Variants in IQSEC1 observed in about 807,000 individuals in gnomAD.
The protein encoded by IQSEC1 is IQ motif and Sec7 domain ArfGEF 1.
In IQSEC1, 31 loss-of-function variants were observed where a neutral mutation model predicts 91.0. The ratio of observed to expected loss-of-function variants is 0.34; its 90% CI spans 0.26 to 0.46. The LOEUF is 0.46. Ranked by LOEUF, IQSEC1 falls within the 20% of genes least tolerant of loss-of-function variation. IQSEC1 has a pLI of 1.00. For missense variants in IQSEC1, 1,388 were observed against 1,575.6 expected, an observed-to-expected ratio of 0.88 and a Z score of 2.02; for synonymous variants, 699 against 662.6, an observed-to-expected ratio of 1.05 and a Z score of -0.84.
At chr3:13,029,174 A>G (rs1703745555) in intron 1 of IQSEC1, among the ~76,000 whole-genome samples, 1 of 152,220 alleles carries the variant, frequency 6.6e-6, no homozygotes, top group Non-Finnish European at 1.5e-5. Context: ...TTCCAGGGTG[A>G]CACAGCTCTC....
intron 1 of IQSEC1, among the ~76,000 whole-genome samples, chr3:13,243,734 T>TA (rs879807882): frequency 3.4e-3 from 525 of 152,208 alleles, no homozygotes; most frequent in Non-Finnish European, 6.0e-3. Flanking sequence ...CATGCCTCTC[T>TA]GGTCTCACAT....
At position 12,969,809 on chromosome 3, in the gene IQSEC1, G is replaced by A. The variant is rs970840139; in HGVS notation, c.24-27944C>T. Among the ~76,000 whole-genome samples, 4 of 152,328 alleles carry A rather than the reference G, an allele frequency of 2.6e-5. No homozygotes were observed. The East Asian group carries it at 5.8e-4, about 22-fold the overall frequency. On this transcript the variant is annotated intron_variant, in intron 1 of 13. Transcript: ENST00000613206. ...GGGATTTAGAAGGGGATTGAATTTC[G>A]CTGTTAGCATTTGGAATACCAGATG... is the stretch of plus-strand genomic sequence containing the variant.
At chr3:12,966,547 C>T (rs532685718) in intron 1 of IQSEC1, among the ~76,000 whole-genome samples, 2 of 152,270 alleles carry the variant, frequency 1.3e-5, no homozygotes, top group Admixed American at 1.3e-4. Context: ...CACACACTCC[C>T]TTTCTCCCTT....
In IQSEC1 at chr3:13,210,852, T is replaced by A. The variant is rs1037931227; in HGVS notation, c.273-46719A>T. Among the ~76,000 whole-genome samples, 9 of 152,018 alleles carry A rather than the reference T, an allele frequency of 5.9e-5. 1 individual carries two copies. Among genetic ancestry groups the A allele is most frequent in the African/African-American group, 7.2e-5 (3 of 41,460 alleles). ...CCTGAGGCCTTGTAAACAAACGCCATCCACATGGAGGGCACGGCCCACTGT... is the reference window on the plus strand; with the variant it reads ...CCTGAGGCCTTGTAAACAAACGCCAACCACATGGAGGGCACGGCCCACTGT... On this transcript the variant is annotated intron_variant, in intron 1 of 15. Transcript: ENST00000648114.
chr3:13,089,962 T>G (rs1376000746), intron 2 of IQSEC1, among the ~76,000 whole-genome samples: 1 of 152,232 alleles, frequency 6.6e-6, no homozygotes, highest in Non-Finnish European at 1.5e-5. Flanking sequence ...ACGCCTGTAA[T>G]CCCAGCACTT....
At chr3:13,258,221 C>T (rs1353075449) in intron 1 of IQSEC1, among the ~76,000 whole-genome samples, 2 of 152,126 alleles carry the variant, frequency 1.3e-5, no homozygotes, top group East Asian at 1.9e-4. Context: ...TCATCCATTG[C>T]GGCAGATGTG....
intron 2 of IQSEC1, among the ~76,000 whole-genome samples, chr3:13,137,026 T>C (rs753561863): frequency 7.9e-5 from 12 of 152,086 alleles, no homozygotes; most frequent in Non-Finnish European, 1.6e-4. Context: ...GGTCCCTGTA[T>C]TCGGGAGGCT....
chr3:12,994,060 C>G lies in IQSEC1; in HGVS notation c.24-52195G>C, dbSNP rs1004804724. On this transcript the variant is annotated intron_variant, in intron 1 of 13. Coordinates refer to ENST00000613206, the MANE Select transcript of IQSEC1 (RefSeq NM_001134382.3). The surrounding 1 kb of genome is among the most constrained non-coding windows in gnomAD (Gnocchi z 4.5). ...CACCGCACCGGTCGCCGGGCGCGTC[C>G]CCCGCCGGCCCGCCTCCTACCTCGC... is the stretch of plus-strand genomic sequence containing the variant. Among the ~76,000 whole-genome samples, 13 of 147,690 alleles carry G rather than the reference C, an allele frequency of 8.8e-5. No homozygotes were observed. The highest frequency in any genetic ancestry group is 8.1e-4 in the Admixed American group (12 of 14,888).
intron 2 of IQSEC1, among the ~76,000 whole-genome samples, chr3:13,090,276 T>TTTTGG (rs138017955): frequency 0.025 from 3,867 of 152,222 alleles, 83 homozygotes; most frequent in South Asian, 0.1. Context: ...ATATTCTATA[T>TTTTGG]TTTGGTTTGT....
intron 1 of IQSEC1, among the ~76,000 whole-genome samples, chr3:13,054,026 C>T (rs1028888578): frequency 7.9e-5 from 12 of 152,202 alleles, no homozygotes; most frequent in Non-Finnish European, 1.5e-4. Context: ...TCCCCCACTT[C>T]GCACCGTCTC....
intron 1 of IQSEC1, among the ~76,000 whole-genome samples, chr3:13,235,068 G>T (rs73134198): frequency 0.034 from 5,150 of 152,264 alleles, 263 homozygotes; most frequent in African/African-American, 0.11. Flanking sequence ...GGCTGGCTTC[G>T]TGTGTCTGTG....
intron 2 of IQSEC1, among the ~76,000 whole-genome samples, chr3:13,160,894 G>A (rs562750316): frequency 4.3e-4 from 66 of 152,350 alleles, no homozygotes; most frequent in Middle Eastern, 6.8e-3. Flanking sequence ...CTGCCTGAGA[G>A]GAAAGACAAA....
intron 2 of IQSEC1, among the ~76,000 whole-genome samples, chr3:13,152,734 G>A (rs1457310962): frequency 1.3e-5 from 2 of 152,172 alleles, no homozygotes; most frequent in Non-Finnish European, 2.9e-5. Flanking sequence ...AGCCGGGTGC[G>A]GTGGCTGGCG....
intron 1 of IQSEC1, among the ~76,000 whole-genome samples, chr3:13,169,502 A>G (rs567707685): frequency 6.6e-6 from 1 of 152,364 alleles, no homozygotes; most frequent in Non-Finnish European, 1.5e-5. Context: ...GAACCAGGTA[A>G]CAGACACGGG....
intron 1 of IQSEC1, among the ~76,000 whole-genome samples, chr3:13,206,106 C>T (rs2470454): frequency 9.3e-5 from 14 of 151,102 alleles, no homozygotes; most frequent in Admixed American, 9.2e-4. Context: ...TCCATCCACC[C>T]ATCTAGCTCT....
rs74374835 is a variant in IQSEC1 at position 13,232,106 on chromosome 3, G to T, written c.272+50605C>A. 6.9e-3 allele frequency among the ~76,000 whole-genome samples: 1,056 copies of T among 152,326 alleles called. 13 individuals are homozygous for T. The highest frequency in any genetic ancestry group is 0.024 in the African/African-American group (978 of 41,578). On this transcript the variant is annotated intron_variant, in intron 1 of 15. Transcript: ENST00000648114. ...TTATAATAGTTAGGGCACTGTACTG[G>T]TTTTTTTATAAAATACGTGCTGGGT...
At chr3:13,122,197 G>A (rs540992197) in intron 2 of IQSEC1, among the ~76,000 whole-genome samples, 3 of 152,352 alleles carry the variant, frequency 2.0e-5, no homozygotes, top group South Asian at 4.1e-4. Flanking sequence ...GAAAACACCC[G>A]TATAAAGACC....
Position 13,281,234 on chromosome 3 carries a change from G to A in IQSEC1, c.272+1477C>T, listed in dbSNP as rs535193082. Among the ~76,000 whole-genome samples the A allele has an allele frequency of 8.5e-5, 13 of 152,240 alleles. No individual in the cohort carries two copies. The South Asian group carries it at 2.5e-3, about 29-fold the overall frequency. Reference sequence around the variant, plus strand: ...GGTCCTGGTGTGGGAGAAAGGGCCCGGGCCCCTGTGAGACCAGCTCCGGGA... The same window carrying A: ...GGTCCTGGTGTGGGAGAAAGGGCCCAGGCCCCTGTGAGACCAGCTCCGGGA... On this transcript the variant is annotated intron_variant, in intron 1 of 15. Transcript: ENST00000648114.
intron 1 of IQSEC1, among the ~76,000 whole-genome samples, chr3:12,981,946 C>A (rs897806891): frequency 6.6e-6 from 1 of 152,218 alleles, no homozygotes; most frequent in Non-Finnish European, 1.5e-5. Context: ...GACACTAAGA[C>A]CCCAGGTCAC....
Sources: gnomAD v4.1 joint callset for allele counts (sites outside exome capture counted in the v4.1 genomes callset) on GRCh38, gnomAD v4.1.1 for gene constraint, Gnocchi (gnomAD v3.1) non-coding constraint, MANE v1.5 for transcripts, NCBI Gene and HGNC (gene_info 2026-07-23, HGNC 2026-07-21) for gene names.